GABBR1: variants seen among roughly 807,000 people sequenced by gnomAD.
The protein encoded by GABBR1 is gamma-aminobutyric acid type B receptor subunit 1, also known as GABA-B receptor, R1 subunit.
A neutral mutation model predicts 117.7 loss-of-function variants in GABBR1; 35 were observed. That is an observed-to-expected ratio of 0.30 (90% CI 0.23 to 0.39). The LOEUF (loss-of-function observed/expected upper bound fraction) is 0.39. Among genes scored for constraint, GABBR1 ranks in the 10% least tolerant of loss-of-function variants. The pLI is 1.00. For synonymous variants in GABBR1, 442 were observed against 486.6 expected, an observed-to-expected ratio of 0.91 and a Z score of 1.21; for missense variants, 709 against 1,241.8, an observed-to-expected ratio of 0.57 and a Z score of 6.45.
At position 29,604,650 on chromosome 6, in the gene GABBR1, G is replaced by A; in HGVS notation, c.2569-13C>T. ...TCAGCCTGCGCATCTGGGGGCAAAT[G>A]TTTGGGCGTGGGGTGGCCCAGCAAG... On this transcript the variant is annotated splice_polypyrimidine_tract_variant and intron_variant, in intron 21 of 22. Coordinates refer to ENST00000377034, the MANE Select transcript of GABBR1 (RefSeq NM_001470.4). This position sits in a 1 kb window ranked among gnomAD's most constrained non-coding sequence, Gnocchi z 5.3. The A allele has an allele frequency of 1.2e-6, 2 of 1,613,210 alleles. No homozygotes were observed. The highest frequency in any genetic ancestry group is 1.7e-6 in the Non-Finnish European group (2 of 1,180,024).
chr6:29,612,868 C>T (rs1459622706), intron 12 of GABBR1, among the ~76,000 whole-genome samples: 2 of 152,154 alleles, frequency 1.3e-5, no homozygotes, highest in Non-Finnish European at 2.9e-5. Context: ...CACCAGCAGG[C>T]TTCTGGTTGT....
chr6:29,616,482 G>A (rs570744350), intron 11 of GABBR1, among the ~76,000 whole-genome samples: 56 of 151,322 alleles, frequency 3.7e-4, no homozygotes, highest in East Asian at 3.3e-3. Context: ...TTAGGTGTTC[G>A]AGACCAACCT....
Position 29,609,102 on chromosome 6 carries a change from A to T in GABBR1, c.1859+127T>A. ...TGGTTTCCCTGTTTTCATTCTCAAC[A>T]AGTCAGAATGAAAAACTCCATGATA... On this transcript the variant is annotated intron_variant, in intron 15 of 22. Coordinates refer to ENST00000377034, the MANE Select transcript of GABBR1 (RefSeq NM_001470.4). This position sits in a 1 kb window ranked among gnomAD's most constrained non-coding sequence, Gnocchi z 4.3. 3.3e-6 allele frequency: 3 copies of T among 907,328 alleles called. No homozygotes were observed. Among genetic ancestry groups the T allele is most frequent in the Non-Finnish European group, 5.0e-6 (3 of 599,400 alleles). 56.2% of individuals were successfully genotyped at this position (907,328 alleles called of 1,614,324 possible).
At position 29,605,237 on chromosome 6, in the gene GABBR1, C is replaced by T. The variant is rs764790129; in HGVS notation, c.2440-249G>A. On this transcript the variant is annotated intron_variant, in intron 20 of 22. Coordinates refer to ENST00000377034, the MANE Select transcript of GABBR1 (RefSeq NM_001470.4). The surrounding 1 kb of genome is among the most constrained non-coding windows in gnomAD (Gnocchi z 4.2). ...TCCCAGGATCTCTATGCACAGATTC[C>T]GGGTCCTCCAGAGTCGGTCCCTGGC... 8.9e-6 allele frequency: 5 copies of T among 563,838 alleles called. No homozygotes were observed. The highest frequency in any genetic ancestry group is 7.0e-5 in the Admixed American group (2 of 28,428). 34.9% of individuals were successfully genotyped at this position (563,838 alleles called of 1,614,324 possible).
intron 5 of GABBR1, chr6:29,628,287 GGCGTGCCAGGAGGGC>G: frequency 2.6e-6 from 1 of 382,086 alleles, no homozygotes; most frequent in Non-Finnish European, 3.6e-6. Context: ...ATGGGGACGG[GGCGTGCCAGGAGGGC>G]GGGGTGGGCG....
chr6:29,604,709 A>AG lies in GABBR1; in HGVS notation c.2569-73dup. 1 of 1,606,738 alleles carries AG rather than the reference A, an allele frequency of 6.2e-7. No homozygotes were observed. Among genetic ancestry groups the AG allele is most frequent in the Non-Finnish European group, 8.5e-7 (1 of 1,174,960 alleles). ...TAGTGACTGGCTGATGGAAGGTTGG[A>AG]GGTGGAAGGAATGCTGATAAGAGTT... On this transcript the variant is annotated intron_variant, in intron 21 of 22. Coordinates refer to ENST00000377034, the MANE Select transcript of GABBR1 (RefSeq NM_001470.4). This position sits in a 1 kb window ranked among gnomAD's most constrained non-coding sequence, Gnocchi z 5.3.
chr6:29,613,200 A>C lies in GABBR1; in HGVS notation c.1566+43T>G, dbSNP rs1762734006. Reference sequence around the variant, plus strand: ...AAGGTGCCTCTTGGGAGTCTCTCTCAAGATTGGGAAGACAGGGGAGTATGA... The same window carrying C: ...AAGGTGCCTCTTGGGAGTCTCTCTCCAGATTGGGAAGACAGGGGAGTATGA... On this transcript the variant is annotated intron_variant, in intron 12 of 22. Coordinates refer to ENST00000377034, the MANE Select transcript of GABBR1 (RefSeq NM_001470.4). This position sits in a 1 kb window ranked among gnomAD's most constrained non-coding sequence, Gnocchi z 4.1. 6.3e-7 allele frequency: 1 copy of C among 1,599,032 alleles called. No individual in the cohort carries two copies. Among genetic ancestry groups the C allele is most frequent in the African/African-American group, 1.3e-5 (1 of 74,546 alleles).
intron 22 of GABBR1, among the ~76,000 whole-genome samples, chr6:29,603,931 G>A (rs1384127809): frequency 6.6e-6 from 1 of 152,102 alleles, no homozygotes; most frequent in Non-Finnish European, 1.5e-5. Context: ...GAAAAAATGC[G>A]ATCAGGGAAA....
chr6:29,611,945 G>A lies in GABBR1; in HGVS notation c.1630+606C>T, dbSNP rs1181367017. On this transcript the variant is annotated intron_variant, in intron 13 of 22. Coordinates refer to ENST00000377034, the MANE Select transcript of GABBR1 (RefSeq NM_001470.4). The surrounding 1 kb of genome is among the most constrained non-coding windows in gnomAD (Gnocchi z 4.6). ...CCAAGCCACTCAAGGGGAAATTCCT[G>A]AAATTAATGGAAGCCACTGGGAAAG... is the stretch of plus-strand genomic sequence containing the variant. 1.3e-5 allele frequency among the ~76,000 whole-genome samples: 2 copies of A among 152,156 alleles called. No homozygotes were observed. The highest frequency in any genetic ancestry group is 2.9e-5 in the Non-Finnish European group (2 of 68,026).
At chr6:29,610,796 C>G in intron 14 of GABBR1, 128 bp downstream of exon 14, 1 of 760,572 alleles carries the variant, frequency 1.3e-6, no homozygotes, top group Admixed American at 2.1e-5. Context: ...TTAACCCTTT[C>G]TCCTGGCCCA....
Position 29,604,400 on chromosome 6 carries a change from AC to A in GABBR1, c.2712+93del. ...TCCCTCCATGAGCCAAGAACATCTG[AC>A]CCTGTATCTCAGGCTTGGCTTCAGA... is the stretch of plus-strand genomic sequence containing the variant. On this transcript the variant is annotated intron_variant, in intron 22 of 22. Coordinates refer to ENST00000377034, the MANE Select transcript of GABBR1 (RefSeq NM_001470.4). This position sits in a 1 kb window ranked among gnomAD's most constrained non-coding sequence, Gnocchi z 5.3. The A allele has an allele frequency of 6.7e-7, 1 of 1,498,136 alleles. No individual in the cohort carries two copies. Among genetic ancestry groups the A allele is most frequent in the Non-Finnish European group, 9.3e-7 (1 of 1,080,058 alleles). The allele number at this position is 1,498,136 out of a possible 1,614,324, so 92.8% of individuals were successfully genotyped here.
chr6:29,608,006 A>C (rs1020062247), intron 16 of GABBR1, among the ~76,000 whole-genome samples: 3 of 152,232 alleles, frequency 2.0e-5, no homozygotes, highest in Admixed American at 2.0e-4. Flanking sequence ...GCAGAGGAAA[A>C]AGAGAGAGCA....
In GABBR1 at chr6:29,620,980, G is replaced by T; in HGVS notation, c.1323+121C>A. On this transcript the variant is annotated intron_variant, in intron 11 of 22. Transcript: ENST00000377034. The surrounding 1 kb of genome is among the most constrained non-coding windows in gnomAD (Gnocchi z 4.5). ...TGCAGACAAGTTCAGGGTGGGCACA[G>T]CCCCCTCTTCTCCTTTATATCCAAA... is the stretch of plus-strand genomic sequence containing the variant. The T allele has an allele frequency of 1.3e-6, 1 of 756,030 alleles. No homozygotes were observed. Among genetic ancestry groups the T allele is most frequent in the Non-Finnish European group, 2.1e-6 (1 of 474,838 alleles). The allele number at this position is 756,030 out of a possible 1,614,324, so 46.8% of individuals were successfully genotyped here. A position where few individuals can be genotyped will look rare whatever the true frequency, so the allele number is the denominator to read the frequency against.
chr6:29,626,096 T>G (rs1033857661), intron 6 of GABBR1, among the ~76,000 whole-genome samples: 3 of 152,134 alleles, frequency 2.0e-5, no homozygotes, highest in African/African-American at 7.2e-5. Flanking sequence ...TTTAACAAAC[T>G]CCTCTGGTGA....
Position 29,608,074 on chromosome 6 carries a change from C to T in GABBR1, c.1992+527G>A, listed in dbSNP as rs373302090. On this transcript the variant is annotated intron_variant, in intron 16 of 22. Coordinates refer to ENST00000377034, the MANE Select transcript of GABBR1 (RefSeq NM_001470.4). The stretch of plus-strand genomic sequence containing the variant: ...GTGTTTCCACCAGTGGAAAAGAGAA[C>T]CACTCAACTATCACTGTTGAAGCTG... 3.7e-4 allele frequency among the ~76,000 whole-genome samples: 57 copies of T among 152,298 alleles called. No homozygotes were observed. The South Asian group carries it at 7.1e-3, about 19-fold the overall frequency.
chr6:29,625,124 G>A (rs980578397), intron 6 of GABBR1, among the ~76,000 whole-genome samples: 1 of 152,158 alleles, frequency 6.6e-6, no homozygotes, highest in African/African-American at 2.4e-5. Context: ...GTTGGAATCT[G>A]AAGAACCAGC....
rs911731145 is a variant in GABBR1 at position 29,631,262 on chromosome 6, G to T, written c.289+134C>A. The T allele has an allele frequency of 3.3e-6, 3 of 904,584 alleles. No individual in the cohort carries two copies. The highest frequency in any genetic ancestry group is 3.5e-6 in the Non-Finnish European group (2 of 579,412). 56.0% of individuals were successfully genotyped at this position (904,584 alleles called of 1,614,324 possible). A position where few individuals can be genotyped will look rare whatever the true frequency, so the allele number is the denominator to read the frequency against. ...CACAGAGCAAAATTGCTCTTATGTA[G>T]TAGTCATTCAATAAATGTATTTGTG... On this transcript the variant is annotated intron_variant, in intron 3 of 22. Coordinates refer to ENST00000377034, the MANE Select transcript of GABBR1 (RefSeq NM_001470.4). This position sits in a 1 kb window ranked among gnomAD's most constrained non-coding sequence, Gnocchi z 5.9.
At position 29,627,433 on chromosome 6, in the gene GABBR1, GC is replaced by G; in HGVS notation, c.657+52del. On this transcript the variant is annotated intron_variant, in intron 6 of 22. Transcript: ENST00000377034. The surrounding 1 kb of genome is among the most constrained non-coding windows in gnomAD (Gnocchi z 4.4). ...AGATGGGGGCGCGTGCAGCTGGCTG[GC>G]CCCCTGCCCCGCAAGCCCCCACCTC... is the stretch of plus-strand genomic sequence containing the variant. 8 of 1,499,702 alleles carry G rather than the reference GC, an allele frequency of 5.3e-6. No individual in the cohort carries two copies. The highest frequency in any genetic ancestry group is 2.1e-5 in the Admixed American group (1 of 47,396). The allele number at this position is 1,499,702 out of a possible 1,614,324, so 92.9% of individuals were successfully genotyped here.
chr6:29,623,201 A>G lies in GABBR1; in HGVS notation c.963+104T>C. On this transcript the variant is annotated intron_variant, in intron 8 of 22. Coordinates refer to ENST00000377034, the MANE Select transcript of GABBR1 (RefSeq NM_001470.4). The surrounding 1 kb of genome is among the most constrained non-coding windows in gnomAD (Gnocchi z 6.2). ...TCCACATGGAATGCGTTCTCTTTCA[A>G]TGAAGAATCAAGTTCTTGCCCCTAA... The G allele has an allele frequency of 9.7e-7, 1 of 1,032,450 alleles. No individual in the cohort carries two copies. The highest frequency in any genetic ancestry group is 1.7e-5 in the South Asian group (1 of 59,754). 64.0% of individuals were successfully genotyped at this position (1,032,450 alleles called of 1,614,324 possible).
Sources: gnomAD v4.1 joint callset for allele counts (sites outside exome capture counted in the v4.1 genomes callset) on GRCh38, gnomAD v4.1.1 for gene constraint, Gnocchi (gnomAD v3.1) non-coding constraint, MANE v1.5 for transcripts, NCBI Gene and HGNC (gene_info 2026-07-23, HGNC 2026-07-21) for gene names.